The following ALOX5 variants were observed in gnomAD, a reference collection of about 807,000 sequenced individuals.
The protein encoded by ALOX5 is polyunsaturated fatty acid 5-lipoxygenase.
Under a neutral mutation model 87.9 loss-of-function variants are expected in ALOX5, and 64 were observed. The ratio of observed to expected loss-of-function variants is 0.73; its 90% confidence interval spans 0.60 to 0.90. ALOX5 has a LOEUF of 0.90. ALOX5 is among the 40% of genes least tolerant of loss of function. The pLI is 0.00. For synonymous variants in ALOX5, 388 were observed against 355.1 expected (o/e 1.09, Z -1.04); for missense variants, 822 against 907.5 (o/e 0.91, Z 1.21).
chr10:45,428,490 C>T, intron 6 of ALOX5, 128 bp from the exon 7 acceptor site: 1 of 1,192,762 alleles, frequency 8.4e-7, no homozygotes, highest in Non-Finnish European at 1.2e-6. Context: ...GAGAGAAGTA[C>T]ACATTCTGAG....
chr10:45,445,762 T>C lies in ALOX5; in HGVS notation c.*75T>C. On this transcript the variant is annotated 3_prime_UTR_variant, in exon 14 of 14. Transcript: ENST00000374391. ...ACTCCAGCCTGCCTGGCAGGCTGTC[T>C]GGCCAGGCCTCTTGGCAGTCACATC... The C allele has an allele frequency of 6.7e-7, 1 of 1,488,098 alleles. No individual in the cohort carries two copies. The highest frequency in any genetic ancestry group is 1.4e-5 in the African/African-American group (1 of 71,758). The allele number at this position is 1,488,098 out of a possible 1,614,324, so 92.2% of individuals were successfully genotyped here.
chr10:45,377,167 A>G (rs1472019734), intron 1 of ALOX5, among the ~76,000 whole-genome samples: 3 of 152,194 alleles, frequency 2.0e-5, no homozygotes, highest in Non-Finnish European at 2.9e-5. Flanking sequence ...ATAATGATTC[A>G]TGCTTCTTAA....
chr10:45,417,665 A>G (rs934336412), intron 4 of ALOX5, among the ~76,000 whole-genome samples: 24 of 152,214 alleles, frequency 1.6e-4, no homozygotes, highest in African/African-American at 5.8e-4. Flanking sequence ...GGTTGGCTCA[A>G]TTGCAGGTGA....
chr10:45,444,418 GC>G, intron 13 of ALOX5, 132 bp downstream of exon 13: 1 of 1,282,236 alleles, frequency 7.8e-7, no homozygotes, highest in Non-Finnish European at 1.0e-6. Flanking sequence ...GGCTGGAAGG[GC>G]CCAGAAGGCT....
intron 7 of ALOX5, among the ~76,000 whole-genome samples, chr10:45,430,786 AAC>A (rs1395515855): frequency 3.3e-5 from 5 of 152,032 alleles, no homozygotes; most frequent in Middle Eastern, 3.2e-3. Context: ...AGTGATTGGA[AAC>A]AGACCTACAC....
chr10:45,391,066 C>CCACGG (rs1840218566), intron 2 of ALOX5, among the ~76,000 whole-genome samples: 7 of 88,880 alleles, frequency 7.9e-5, no homozygotes, highest in Admixed American at 2.3e-4. Context: ...CTCCCTCTCC[C>CCACGG]TCTCCCCACG....
At chr10:45,427,386 C>T (rs111586307) in intron 6 of ALOX5, among the ~76,000 whole-genome samples, 6 of 152,196 alleles carry the variant, frequency 3.9e-5, no homozygotes, top group Middle Eastern at 3.2e-3. Flanking sequence ...AGTGCCTCCG[C>T]GGGGATAGTC....
At chr10:45,444,579 G>C (rs1842373863) in intron 13 of ALOX5, 2 of 432,760 alleles carry the variant, frequency 4.6e-6, no homozygotes, top group African/African-American at 2.0e-5. Flanking sequence ...TCTTGCACAT[G>C]TGTTTTACCC....
intron 2 of ALOX5, among the ~76,000 whole-genome samples, chr10:45,388,853 A>G (rs1245040534): frequency 6.6e-6 from 1 of 152,256 alleles, no homozygotes; most frequent in Non-Finnish European, 1.5e-5. Flanking sequence ...AATGACTTTG[A>G]CGAGTTGAGA....
At chr10:45,389,851 C>T (rs1357062885) in intron 2 of ALOX5, among the ~76,000 whole-genome samples, 2 of 152,166 alleles carry the variant, frequency 1.3e-5, no homozygotes, top group Non-Finnish European at 2.9e-5. Flanking sequence ...CAATATTAAC[C>T]ATAAATGTAA....
Position 45,417,345 on chromosome 10 carries a change from C to A in ALOX5, c.554+5032C>A, listed in dbSNP as rs1841333002. On this transcript the variant is annotated intron_variant, in intron 4 of 13. Transcript: ENST00000374391. Reference sequence around the variant, plus strand: ...AACTGTGGAACCAGGGGAAGTCCAGCACAGTTATATTTTAGGGCTACTGGT... The same window carrying A: ...AACTGTGGAACCAGGGGAAGTCCAGAACAGTTATATTTTAGGGCTACTGGT... Among the ~76,000 whole-genome samples the A allele has an allele frequency of 2.6e-5, 4 of 152,288 alleles. No individual in the cohort carries two copies. The South Asian group carries it at 8.3e-4, about 32-fold the overall frequency.
chr10:45,428,984 C>A (rs1841827449), intron 7 of ALOX5, among the ~76,000 whole-genome samples: 1 of 152,036 alleles, frequency 6.6e-6, no homozygotes, highest in South Asian at 2.1e-4. Flanking sequence ...CTGTGGAGGA[C>A]CTGCCCTGGG....
At chr10:45,413,223 A>G (rs1841138801) in intron 4 of ALOX5, among the ~76,000 whole-genome samples, 1 of 152,214 alleles carries the variant, frequency 6.6e-6, no homozygotes, top group Admixed American at 6.5e-5. Context: ...ATCCAGCAGT[A>G]CATCAGAAAG....
intron 7 of ALOX5, among the ~76,000 whole-genome samples, chr10:45,439,630 G>A (rs1842165774): frequency 6.6e-6 from 1 of 152,230 alleles, no homozygotes; most frequent in Admixed American, 6.5e-5. Flanking sequence ...GCTGGTGTGG[G>A]GGCACGAAAG....
chr10:45,426,268 A>G (rs1841699528), intron 6 of ALOX5, among the ~76,000 whole-genome samples: 1 of 151,896 alleles, frequency 6.6e-6, no homozygotes, highest in East Asian at 1.9e-4. Flanking sequence ...CCCAGCAGCC[A>G]AGGAGTGGCC....
chr10:45,441,323 C>T (rs1255789155), intron 8 of ALOX5, 21 bp from the exon 9 acceptor site: 1 of 1,610,790 alleles, frequency 6.2e-7, no homozygotes, highest in Admixed American at 1.7e-5. Flanking sequence ...CCTCTGAGGC[C>T]TCCTCCTCTC....
Position 45,374,253 on chromosome 10 carries a change from G to GCGCTCGCTGCTCCCGC in ALOX5, c.-26_-11dup, listed in dbSNP as rs2132656066. ...CTGGACCGCCGCGCCGAGGCTCCCG[G>GCGCTCGCTGCTCCCGC]CGCTCGCTGCTCCCGCGGCCCGCGC... On this transcript the variant is annotated 5_prime_UTR_variant, in exon 1 of 14. Transcript: ENST00000374391. 6.9e-7 allele frequency: 1 copy of GCGCTCGCTGCTCCCGC among 1,455,718 alleles called. No individual in the cohort carries two copies. The highest frequency in any genetic ancestry group is 3.0e-5 in the East Asian group (1 of 33,010). 90.2% of individuals were successfully genotyped at this position (1,455,718 alleles called of 1,614,324 possible).
intron 9 of ALOX5, among the ~76,000 whole-genome samples, chr10:45,441,790 C>T (rs1842244296): frequency 6.6e-6 from 1 of 152,012 alleles, no homozygotes; most frequent in African/African-American, 2.4e-5. Context: ...TCTGCCACAC[C>T]CCTGCCACCC....
intron 7 of ALOX5, among the ~76,000 whole-genome samples, chr10:45,433,316 C>A (rs1841967340): frequency 6.6e-6 from 1 of 152,210 alleles, no homozygotes; most frequent in Non-Finnish European, 1.5e-5. Context: ...CCCACAGCGC[C>A]TGCTGTACCA....
Sources: allele counts gnomAD v4.1 joint callset (sites outside exome capture counted in the v4.1 genomes callset), GRCh38; gene constraint gnomAD v4.1.1; transcripts MANE v1.5; gene names NCBI Gene and HGNC (gene_info 2026-07-23, HGNC 2026-07-21).